Variants in EBF1 observed in about 807,000 individuals in gnomAD.
EBF1 encodes transcription factor COE1.
Under a neutral mutation model 68.4 loss-of-function variants are expected in EBF1, and 10 were observed. The observed-to-expected ratio is 0.15, with a 90% CI of 0.09 to 0.25. The LOEUF is 0.25. Ranked by LOEUF, EBF1 falls within the 10% of genes least tolerant of loss-of-function variation. The pLI is 1.00. For missense variants in EBF1, 509 were observed against 794.4 expected (o/e 0.64, Z 4.32); for synonymous variants, 298 against 299.8 (o/e 0.99, Z 0.06).
intron 4 of EBF1, among the ~76,000 whole-genome samples, chr5:159,092,143 C>A (rs566960618): frequency 6.6e-6 from 1 of 152,286 alleles, no homozygotes; most frequent in African/African-American, 2.4e-5. Context: ...AGACCTCCCC[C>A]ACTGGATTCA....
chr5:158,869,113 T>C (rs1796420348), intron 6 of EBF1, among the ~76,000 whole-genome samples: 1 of 152,174 alleles, frequency 6.6e-6, no homozygotes, highest in Non-Finnish European at 1.5e-5. Flanking sequence ...TACGTGTGTG[T>C]ATGTGTGTAA....
At chr5:159,011,299 G>A (rs955679529) in intron 6 of EBF1, among the ~76,000 whole-genome samples, 1 of 152,214 alleles carries the variant, frequency 6.6e-6, no homozygotes, top group Non-Finnish European at 1.5e-5. Context: ...GAAGGGTGAA[G>A]CTCTGTAAAA....
At chr5:159,006,172 G>C (rs1763501969) in intron 6 of EBF1, among the ~76,000 whole-genome samples, 1 of 152,170 alleles carries the variant, frequency 6.6e-6, no homozygotes, top group South Asian at 2.1e-4. Flanking sequence ...TCAGAGAGGG[G>C]TTTCCCCATC....
At chr5:158,992,288 G>A (rs1031373473) in intron 6 of EBF1, among the ~76,000 whole-genome samples, 1 of 150,260 alleles carries the variant, frequency 6.7e-6, no homozygotes, top group African/African-American at 2.4e-5. Context: ...TCATGTAGCA[G>A]TGGAGGCCAA....
intron 11 of EBF1, among the ~76,000 whole-genome samples, chr5:158,718,739 C>G (rs1419409295): frequency 6.6e-6 from 1 of 152,162 alleles, no homozygotes; most frequent in East Asian, 1.9e-4. Context: ...TCACACTGTT[C>G]TATCAGAAAT....
chr5:158,911,002 G>A (rs986910845), intron 6 of EBF1, among the ~76,000 whole-genome samples: 3 of 152,140 alleles, frequency 2.0e-5, no homozygotes, highest in Admixed American at 6.5e-5. Flanking sequence ...ATGCCTTGCA[G>A]GGGAGCAAGG....
intron 6 of EBF1, among the ~76,000 whole-genome samples, chr5:158,973,008 A>G (rs962498227): frequency 6.6e-6 from 1 of 152,200 alleles, no homozygotes; most frequent in African/African-American, 2.4e-5. Context: ...TAAAATGACA[A>G]CTTCAGCCCC....
chr5:158,995,293 C>G (rs4921512), intron 6 of EBF1, among the ~76,000 whole-genome samples: 1 of 152,198 alleles, frequency 6.6e-6, no homozygotes, highest in East Asian at 1.9e-4. Flanking sequence ...TTGGTGGTGT[C>G]TTCATGATAC....
At chr5:158,969,919 A>AGAAAGAAAGAAAGAGG in intron 6 of EBF1, among the ~76,000 whole-genome samples, 1 of 60,216 alleles carries the variant, frequency 1.7e-5, no homozygotes, top group Non-Finnish European at 3.6e-5. Flanking sequence ...AAAGAAAGAA[A>AGAAAGAAAGAAAGAGG]AAAAAAAAAA....
intron 10 of EBF1, among the ~76,000 whole-genome samples, chr5:158,765,491 G>C (rs1772459362): frequency 6.6e-6 from 1 of 152,160 alleles, no homozygotes; most frequent in Non-Finnish European, 1.5e-5. Flanking sequence ...TAATGACTGG[G>C]AGTTGGTGCT....
At chr5:158,773,069 C>T (rs1774219866) in intron 10 of EBF1, among the ~76,000 whole-genome samples, 1 of 151,746 alleles carries the variant, frequency 6.6e-6, no homozygotes, top group African/African-American at 2.4e-5. Context: ...GAGGTACTAT[C>T]CCCTTAGGAG....
At chr5:158,967,544 T>C (rs1234013545) in intron 6 of EBF1, among the ~76,000 whole-genome samples, 3 of 151,956 alleles carry the variant, frequency 2.0e-5, no homozygotes, top group African/African-American at 7.3e-5. Flanking sequence ...ACGTATCGAG[T>C]ATATGTTTGG....
At chr5:158,703,328 T>C (rs1757156878) in intron 15 of EBF1, among the ~76,000 whole-genome samples, 1 of 152,238 alleles carries the variant, frequency 6.6e-6, no homozygotes. Flanking sequence ...TTTTTCTCTT[T>C]AAATCCAAAA....
At chr5:158,999,832 T>A (rs1762173646) in intron 6 of EBF1, among the ~76,000 whole-genome samples, 1 of 152,218 alleles carries the variant, frequency 6.6e-6, no homozygotes, top group Non-Finnish European at 1.5e-5. Context: ...AAAACTTTAT[T>A]GTAAGAATAA....
chr5:158,953,719 G>GT (rs1816504815), intron 6 of EBF1, among the ~76,000 whole-genome samples: 1 of 152,124 alleles, frequency 6.6e-6, no homozygotes, highest in Non-Finnish European at 1.5e-5. Context: ...TGAGAGATTT[G>GT]TAAGGGTAGA....
chr5:158,924,844 C>T (rs1356742101), intron 6 of EBF1, among the ~76,000 whole-genome samples: 63 of 115,968 alleles, frequency 5.4e-4, no homozygotes, highest in African/African-American at 2.2e-3. Context: ...CAGAGCGAGA[C>T]TCTGTCTCAA....
intron 10 of EBF1, among the ~76,000 whole-genome samples, chr5:158,771,921 C>A (rs182618721): frequency 6.6e-6 from 1 of 152,102 alleles, no homozygotes; most frequent in Non-Finnish European, 1.5e-5. Context: ...TATACCACAG[C>A]GGTCAGAGAA....
intron 6 of EBF1, among the ~76,000 whole-genome samples, chr5:159,042,910 C>T (rs1159485897): frequency 6.6e-6 from 1 of 151,424 alleles, no homozygotes; most frequent in Non-Finnish European, 1.5e-5. Context: ...CAGGGAGCTA[C>T]TAGGTAGCTG....
chr5:158,707,659 G>A (rs796471655), intron 15 of EBF1: 4 of 342,132 alleles, frequency 1.2e-5, no homozygotes, highest in African/African-American at 7.9e-5. Context: ...ACCACAAGGA[G>A]TGAAAGAGGA....
Sources: allele counts gnomAD v4.1 joint callset (sites outside exome capture counted in the v4.1 genomes callset), GRCh38; gene constraint gnomAD v4.1.1; transcripts MANE v1.5; gene names NCBI Gene and HGNC (gene_info 2026-07-23, HGNC 2026-07-21).